EML4: variants seen among roughly 807,000 people sequenced by gnomAD.
EML4 encodes the protein EMAP like 4, also known as echinoderm microtubule-associated protein-like 4.
In EML4, 72 loss-of-function variants were observed where a neutral mutation model predicts 129.0. The observed-to-expected ratio is 0.56, with a 90% CI of 0.46 to 0.68. EML4 has a LOEUF of 0.68. Ranked by LOEUF, EML4 falls within the 30% of genes least tolerant of loss-of-function variation. The pLI, the probability that EML4 is intolerant of heterozygous loss-of-function variation, is 0.00. For synonymous variants in EML4, 532 were observed against 405.0 expected (o/e 1.31, Z -3.77); for missense variants, 1,363 against 1,190.6 (o/e 1.14, Z -2.13).
chr2:42,230,120 A>AAG (rs1359836765), intron 1 of EML4, among the ~76,000 whole-genome samples: 1 of 152,134 alleles, frequency 6.6e-6, no homozygotes, highest in Non-Finnish European at 1.5e-5. Context: ...TCACCAAACT[A>AAG]ATAAGTGTCT....
intron 4 of EML4, among the ~76,000 whole-genome samples, chr2:42,262,718 A>G (rs921530073): frequency 2.0e-4 from 30 of 152,216 alleles, no homozygotes; most frequent in African/African-American, 7.2e-4. Flanking sequence ...CCCTAAAGAT[A>G]TAAACAAGAG....
intron 1 of EML4, among the ~76,000 whole-genome samples, chr2:42,178,034 T>A (rs1305489374): frequency 6.6e-6 from 1 of 152,202 alleles, no homozygotes; most frequent in Non-Finnish European, 1.5e-5. Flanking sequence ...AAAAGGTGGA[T>A]GAACAATCAG....
chr2:42,277,881 A>T (rs550708716), intron 6 of EML4, among the ~76,000 whole-genome samples: 1 of 152,256 alleles, frequency 6.6e-6, no homozygotes. Context: ...CAAACCTTTT[A>T]ATCTGACTGA....
chr2:42,291,741 G>A (rs959298789), intron 11 of EML4, among the ~76,000 whole-genome samples: 1 of 152,076 alleles, frequency 6.6e-6, no homozygotes, highest in African/African-American at 2.4e-5. Flanking sequence ...GAAAATATTT[G>A]TGATACATAC....
intron 14 of EML4, among the ~76,000 whole-genome samples, chr2:42,302,574 C>T (rs1398202979): frequency 6.6e-6 from 1 of 151,214 alleles, no homozygotes; most frequent in African/African-American, 2.4e-5. Flanking sequence ...TGCTCTGTCG[C>T]CCAGGCTGGA....
chr2:42,188,563 T>G (rs1671400189), intron 1 of EML4, among the ~76,000 whole-genome samples: 2 of 151,908 alleles, frequency 1.3e-5, no homozygotes, highest in Admixed American at 1.3e-4. Context: ...ACTTTTTTTT[T>G]GAGACAGAGT....
intron 1 of EML4, among the ~76,000 whole-genome samples, chr2:42,205,646 G>GT (rs1558500917): frequency 6.6e-6 from 1 of 152,144 alleles, no homozygotes; most frequent in East Asian, 1.9e-4. Flanking sequence ...TGTTGTTGTT[G>GT]TTGTTTGTTT....
intron 7 of EML4, 94 bp from the exon 8 acceptor site, chr2:42,282,729 A>G (rs1321147880): frequency 1.8e-6 from 2 of 1,129,642 alleles, no homozygotes; most frequent in South Asian, 1.3e-5. Flanking sequence ...AGTCTTCTTC[A>G]TTGTACCTTC....
chr2:42,244,761 A>G (rs936327553), intron 1 of EML4, among the ~76,000 whole-genome samples: 3 of 152,202 alleles, frequency 2.0e-5, no homozygotes. Context: ...TATCTGATAC[A>G]TAAAACCAAA....
intron 6 of EML4, among the ~76,000 whole-genome samples, chr2:42,276,381 G>A (rs776308485): frequency 6.6e-6 from 1 of 152,046 alleles, no homozygotes; most frequent in Non-Finnish European, 1.5e-5. Context: ...TGGGGTATTC[G>A]AATACAGTGT....
intron 19 of EML4, among the ~76,000 whole-genome samples, chr2:42,322,861 A>G (rs1253294563): frequency 6.6e-6 from 1 of 152,160 alleles, no homozygotes; most frequent in East Asian, 1.9e-4. Flanking sequence ...TTCTTTGCTT[A>G]TTTATTGGAA....
rs560160106 is a variant in EML4, at chr2:42,221,889, C to G, written c.26-23616C>G. Among the ~76,000 whole-genome samples the G allele has an allele frequency of 1.6e-3, 250 of 152,176 alleles. 1 individual carries two copies. The highest frequency in any genetic ancestry group is 5.8e-3 in the African/African-American group (242 of 41,534). ...AAAGTGCTGGGATTACAGGCATGAG[C>G]CACCACTCCAAGCCTAATAAATTTT... On this transcript the variant is annotated intron_variant, in intron 1 of 22. Transcript: ENST00000318522.
At chr2:42,248,112 A>G (rs867733904) in intron 2 of EML4, among the ~76,000 whole-genome samples, 2 of 152,114 alleles carry the variant, frequency 1.3e-5, no homozygotes, top group Non-Finnish European at 2.9e-5. Context: ...AGCTAGGACT[A>G]CAGGTGTACA....
intron 1 of EML4, among the ~76,000 whole-genome samples, chr2:42,200,841 G>T (rs1672188357): frequency 1.3e-5 from 2 of 152,174 alleles, no homozygotes; most frequent in Admixed American, 6.5e-5. Flanking sequence ...GAAATTTCCA[G>T]CGCTTTGCAG....
chr2:42,265,051 A>T lies in EML4; in HGVS notation c.667+320A>T, dbSNP rs13016514. The T allele has an allele frequency of 4.4e-6, 5 of 1,139,176 alleles. No individual in the cohort carries two copies. In the African/African-American group the frequency reaches 7.8e-5, roughly 18 times the overall value. 70.6% of individuals were successfully genotyped at this position (1,139,176 alleles called of 1,614,324 possible). A position where few individuals can be genotyped will look rare whatever the true frequency, so the allele number is the denominator to read the frequency against. On this transcript the variant is annotated intron_variant, in intron 6 of 22. Coordinates refer to ENST00000318522, the MANE Select transcript of EML4 (RefSeq NM_019063.5). ...TTATGCTGCCTGACTTTCTTCCTTA[A>T]AAAGGAAATACAGTGATTTGAGCTA... is the stretch of plus-strand genomic sequence containing the variant.
intron 1 of EML4, among the ~76,000 whole-genome samples, chr2:42,217,056 AT>A (rs1328762147): frequency 6.6e-6 from 1 of 152,184 alleles, no homozygotes; most frequent in Non-Finnish European, 1.5e-5. Context: ...GTAAATTTTC[AT>A]TTTTTTAACC....
intron 6 of EML4, among the ~76,000 whole-genome samples, chr2:42,278,548 T>A (rs1189804271): frequency 8.8e-6 from 1 of 114,252 alleles, no homozygotes; most frequent in Non-Finnish European, 1.6e-5. Context: ...CACTCCAGCC[T>A]GGGTGACAGA....
At chr2:42,183,143 G>T (rs58257518) in intron 1 of EML4, among the ~76,000 whole-genome samples, 1 of 152,096 alleles carries the variant, frequency 6.6e-6, no homozygotes, top group Non-Finnish European at 1.5e-5. Flanking sequence ...TGACGGAGTG[G>T]TGACTGAAAC....
chr2:42,278,573 CAAAAAAAAA>C (rs35916382), intron 6 of EML4, among the ~76,000 whole-genome samples: 42 of 54,284 alleles, frequency 7.7e-4, no homozygotes, highest in South Asian at 7.7e-3. Flanking sequence ...GACTCCATCT[CAAAAAAAAA>C]AAAAAAAAAA....
Sources: gnomAD v4.1 joint callset for allele counts (sites outside exome capture counted in the v4.1 genomes callset) on GRCh38, gnomAD v4.1.1 for gene constraint, MANE v1.5 for transcripts, NCBI Gene and HGNC (gene_info 2026-07-23, HGNC 2026-07-21) for gene names.